VPS39: variants seen among roughly 807,000 people sequenced by gnomAD.
The protein encoded by VPS39 is VPS39 subunit of HOPS complex, also known as vam6/Vps39-like protein.
Under a neutral mutation model 121.0 loss-of-function variants are expected in VPS39, and 70 were observed. That is an observed-to-expected ratio of 0.58 (90% CI 0.48 to 0.71). VPS39 has a LOEUF of 0.71. VPS39 is among the 30% of genes least tolerant of loss of function. The probability of loss-of-function intolerance (pLI) is 0.00; values close to 1 mark genes in which losing one functional copy is unlikely to be tolerated. For synonymous variants in VPS39, 378 were observed against 398.1 expected (o/e 0.95, Z 0.60); for missense variants, 818 against 1,051.5 (o/e 0.78, Z 3.07).
At chr15:42,203,839 CAG>C (rs1257161863) in intron 1 of VPS39, among the ~76,000 whole-genome samples, 1 of 152,188 alleles carries the variant, frequency 6.6e-6, no homozygotes, top group Non-Finnish European at 1.5e-5. Flanking sequence ...ATGCACAACA[CAG>C]AGGATGACAA....
intron 4 of VPS39, among the ~76,000 whole-genome samples, chr15:42,190,043 G>A (rs1429623165): frequency 1.3e-5 from 2 of 151,850 alleles, no homozygotes; most frequent in Non-Finnish European, 2.9e-5. Context: ...TCAAACTCCT[G>A]GACTCAAGCA....
At chr15:42,181,975 A>G (rs774775855) in intron 8 of VPS39, among the ~76,000 whole-genome samples, 12 of 152,318 alleles carry the variant, frequency 7.9e-5, no homozygotes, top group South Asian at 2.1e-4. Flanking sequence ...CAGCCTCCCA[A>G]TGTGCTGGGA....
At chr15:42,169,942 T>C (rs1371161081) in intron 11 of VPS39, 76 bp from the exon 12 acceptor site, 13 of 1,404,774 alleles carry the variant, frequency 9.3e-6, no homozygotes, top group Non-Finnish European at 1.2e-5. Flanking sequence ...GGACTATTAC[T>C]ATAGCAAAAT....
At chr15:42,207,974 C>A in intron 1 of VPS39, 107 bp downstream of exon 1, 1 of 1,250,800 alleles carries the variant, frequency 8.0e-7, no homozygotes, top group Admixed American at 2.1e-5. Context: ...GTGTAGCATC[C>A]AACCGAAGCC....
At position 42,161,677 on chromosome 15, in the gene VPS39, C is replaced by G; in HGVS notation, c.2552+5G>C. The G allele has an allele frequency of 6.2e-7, 1 of 1,614,180 alleles. No homozygotes were observed. Among genetic ancestry groups the G allele is most frequent in the South Asian group, 1.1e-5 (1 of 91,086 alleles). ...AGATGCCACACAGGTGTGAAGGAGG[C>G]TCACCTGTTCCCAATCTTCTTCTTA... On this transcript the variant is annotated splice_donor_5th_base_variant and intron_variant, in intron 24 of 24. Coordinates refer to ENST00000318006, the MANE Select transcript of VPS39 (RefSeq NM_015289.5).
At position 42,163,534 on chromosome 15, in the gene VPS39, T is replaced by C. The variant is rs556603718; in HGVS notation, c.2129+92A>G. 9.4e-5 allele frequency: 142 copies of C among 1,512,810 alleles called. No homozygotes were observed. In the Middle Eastern group the frequency reaches 1.1e-3, roughly 11 times the overall value. 93.7% of individuals were successfully genotyped at this position (1,512,810 alleles called of 1,614,324 possible). ...ACGGAGGCGATTCTTGCTCCCGCAGTGGAGTATGGGGAGATGGCCTTCTTA... is the reference window on the plus strand; with the variant it reads ...ACGGAGGCGATTCTTGCTCCCGCAGCGGAGTATGGGGAGATGGCCTTCTTA... On this transcript the variant is annotated intron_variant, in intron 20 of 24. Transcript: ENST00000318006.
chr15:42,203,576 T>C (rs1180494548), intron 1 of VPS39, among the ~76,000 whole-genome samples: 2 of 150,314 alleles, frequency 1.3e-5, no homozygotes, highest in Non-Finnish European at 3.0e-5. Flanking sequence ...GCGGCGGAGG[T>C]TGCAGTGAGT....
In VPS39 at chr15:42,160,596, T is replaced by G; in HGVS notation, c.*158A>C. 1 of 669,582 alleles carries G rather than the reference T, an allele frequency of 1.5e-6. No individual in the cohort carries two copies. Among genetic ancestry groups the G allele is most frequent in the South Asian group, 1.7e-5 (1 of 57,304 alleles). The allele number at this position is 669,582 out of a possible 1,614,324, so 41.5% of individuals were successfully genotyped here. ...AAAGCTGGCAATGCCAGACCATGAG[T>G]CTAATTAATTCAGAGTTGTTCCAGG... On this transcript the variant is annotated 3_prime_UTR_variant, in exon 25 of 25. Coordinates refer to ENST00000318006, the MANE Select transcript of VPS39 (RefSeq NM_015289.5).
intron 21 of VPS39, 44 bp downstream of exon 21, chr15:42,163,306 G>A (rs763955181): frequency 2.6e-5 from 42 of 1,612,046 alleles, no homozygotes; most frequent in Non-Finnish European, 3.5e-5. Flanking sequence ...AACCAACGGG[G>A]AGAGGTATGC....
intron 21 of VPS39, among the ~76,000 whole-genome samples, chr15:42,162,823 T>C (rs377260657): frequency 3.9e-5 from 6 of 152,354 alleles, no homozygotes; most frequent in African/African-American, 1.4e-4. Context: ...GGTGGGGATA[T>C]CCTAAGGTGA....
At chr15:42,195,266 C>T (rs1595679764) in intron 2 of VPS39, among the ~76,000 whole-genome samples, 2 of 152,212 alleles carry the variant, frequency 1.3e-5, no homozygotes, top group South Asian at 2.1e-4. Flanking sequence ...CATGGTGAAA[C>T]CCTGTCTCTA....
chr15:42,192,160 G>A (rs2049842212), intron 2 of VPS39: 3 of 1,512,508 alleles, frequency 2.0e-6, no homozygotes, highest in Non-Finnish European at 2.7e-6. Flanking sequence ...AGCCTTGCTG[G>A]GGATGACAAA....
intron 1 of VPS39, among the ~76,000 whole-genome samples, chr15:42,201,430 T>G (rs1017436001): frequency 1.3e-5 from 2 of 152,220 alleles, no homozygotes; most frequent in African/African-American, 2.4e-5. Flanking sequence ...CCCCTTCAGC[T>G]TCCCAAAGTG....
At position 42,165,773 on chromosome 15, in the gene VPS39, T is replaced by A; in HGVS notation, c.1724A>T (p.Asp575Val). 1 of 1,614,140 alleles carries A rather than the reference T, an allele frequency of 6.2e-7. No homozygotes were observed. Among genetic ancestry groups the A allele is most frequent in the Non-Finnish European group, 8.5e-7 (1 of 1,180,012 alleles). ...DLPEVESLPR[D>V]RVLGFLIENF... ...CTCTATTAAGAAGCCGAGGACTCGA[T>A]CACGTGGCAGAGACTCCACTTCCGG... Residue 575 changes from aspartate to valine, a missense_variant, in exon 17 of 25, where the codon GAT (aspartate) becomes GTT (valine). By Grantham distance (152) the Asp-to-Val change is radical. Coordinates refer to ENST00000318006, the MANE Select transcript of VPS39 (RefSeq NM_015289.5).
In VPS39 at chr15:42,166,181, T is replaced by A; in HGVS notation, c.1658A>T (p.Asp553Val). The A allele has an allele frequency of 1.2e-6, 2 of 1,614,184 alleles. No homozygotes were observed. The change falls in exon 16 of 25, where the codon GAC becomes GTC. Residue 553 changes from aspartate (D) to valine (V), a missense_variant. By Grantham distance (152) the Asp-to-Val change is radical (BLOSUM62 -3). Coordinates refer to ENST00000318006, the MANE Select transcript of VPS39 (RefSeq NM_015289.5). ...CACCTTCAGGCCATCTTCTGGGAAG[T>A]CTCTCAGCACCCACACTGAGTAGGA... is the stretch of plus-strand genomic sequence containing the variant. Reference protein sequence around the residue: ...IFSYSVWVLRDFPEDGLKIFT... With the variant: ...IFSYSVWVLRVFPEDGLKIFT...
In VPS39 at chr15:42,208,183, C is replaced by T; in HGVS notation, c.-30G>A. The T allele has an allele frequency of 1.3e-6, 2 of 1,556,804 alleles. No homozygotes were observed. Among genetic ancestry groups the T allele is most frequent in the Non-Finnish European group, 1.7e-6 (2 of 1,150,170 alleles). ...GCAAGGGGAGAGTTGCCACCGCCGTCTCGCCCAGAGTGTTCCGGGCCGGGC... is the reference window on the plus strand; with the variant it reads ...GCAAGGGGAGAGTTGCCACCGCCGTTTCGCCCAGAGTGTTCCGGGCCGGGC... On this transcript the variant is annotated 5_prime_UTR_variant, in exon 1 of 25. Coordinates refer to ENST00000318006, the MANE Select transcript of VPS39 (RefSeq NM_015289.5).
chr15:42,188,892 A>G (rs2140874957), intron 5 of VPS39, among the ~76,000 whole-genome samples: 1 of 151,722 alleles, frequency 6.6e-6, no homozygotes, highest in Non-Finnish European at 1.5e-5. Context: ...CTTGAGCCCG[A>G]GAGGCAGGGG....
At chr15:42,176,619 T>C (rs2049457017) in intron 10 of VPS39, among the ~76,000 whole-genome samples, 6 of 152,106 alleles carry the variant, frequency 3.9e-5, no homozygotes, top group Admixed American at 3.9e-4. Context: ...AGTAAGATGC[T>C]GAAATTCAGT....
intron 16 of VPS39, 57 bp from the exon 17 acceptor site, chr15:42,165,873 A>G: frequency 1.3e-6 from 2 of 1,504,490 alleles, no homozygotes; most frequent in Non-Finnish European, 1.8e-6. Flanking sequence ...GTTCCAGCAA[A>G]CACACACGCA....
Sources: gnomAD v4.1 joint callset for allele counts (sites outside exome capture counted in the v4.1 genomes callset) on GRCh38, gnomAD v4.1.1 for gene constraint, MANE v1.5 for transcripts, NCBI Gene and HGNC (gene_info 2026-07-23, HGNC 2026-07-21) for gene names.